The following IL13RA1 variants were observed in gnomAD, a reference collection of about 807,000 sequenced individuals.
IL13RA1 encodes the protein interleukin 13 receptor subunit alpha 1.
Under a neutral mutation model 33.8 loss-of-function variants are expected in IL13RA1, and 14 were observed. The observed-to-expected ratio is 0.41, with a 90% CI of 0.27 to 0.65. IL13RA1 has a LOEUF of 0.65. IL13RA1 is among the 30% of genes least tolerant of loss of function. The pLI is 0.28. For missense variants in IL13RA1, 313 were observed against 327.0 expected, an observed-to-expected ratio of 0.96 and a Z score of 0.33; for synonymous variants, 116 against 115.7, an observed-to-expected ratio of 1.00 and a Z score of -0.02.
chrX:118,752,767 C>T (rs2017484673), intron 4 of IL13RA1, among the ~76,000 whole-genome samples: 1 of 111,933 alleles, frequency 8.9e-6, no homozygotes, highest in African/African-American at 3.2e-5. Flanking sequence ...TTCAGGGTTG[C>T]GGTGATGACT....
At chrX:118,769,152 A>C (rs747173488) in intron 8 of IL13RA1, among the ~76,000 whole-genome samples, 2 of 112,507 alleles carry the variant, frequency 1.8e-5, no homozygotes, top group East Asian at 5.6e-4. Context: ...GCCCATGCTC[A>C]AGGAGAGGGG....
chrX:118,786,509 A>G, intron 10 of IL13RA1, among the ~76,000 whole-genome samples: 1 of 112,097 alleles, frequency 8.9e-6, no homozygotes, highest in South Asian at 3.6e-4. Flanking sequence ...TGCTGGGATT[A>G]TAGGCGTGAA....
At chrX:118,753,949 A>C (rs2017498028) in intron 4 of IL13RA1, among the ~76,000 whole-genome samples, 1 of 112,743 alleles carries the variant, frequency 8.9e-6, no homozygotes, top group Admixed American at 9.4e-5. Context: ...AAATCAATTA[A>C]AATTGAATCA....
At chrX:118,799,023 A>G (rs753721967), downstream of IL13RA1, among the ~76,000 whole-genome samples, 90 of 29,303 alleles carry the variant, frequency 3.1e-3, 1 homozygote, top group African/African-American at 0.021. Context: ...CCGGGTGGGC[A>G]TGGGCTTGGC....
At position 118,773,898 on chromosome X, in the gene IL13RA1, A is replaced by G. The variant is rs1359316349; in HGVS notation, c.1029A>G (p.Thr343=). The G allele has an allele frequency of 2.9e-6, 3 of 1,033,045 alleles. No homozygotes were observed. The highest frequency in any genetic ancestry group is 1.9e-5 in the African/African-American group (1 of 53,487). The allele number at this position is 1,033,045 out of a possible 1,213,427, so 85.1% of individuals were successfully genotyped here. ...EMSIGKKRNS[T]LYITMLLIVP... ...CTCCAGGTAAGAAGCGCAATTCCAC[A>G]CTCTACATAACCATGTTACTCATTG... The change falls in exon 9 of 11, where the codon ACA becomes ACG. Residue 343 remains threonine, a synonymous_variant. Coordinates refer to ENST00000371666, the MANE Select transcript of IL13RA1 (RefSeq NM_001560.3).
At chrX:118,770,565 G>A (rs772083532) in intron 8 of IL13RA1, 9 of 517,891 alleles carry the variant, frequency 1.7e-5, no homozygotes, top group East Asian at 9.8e-5. Context: ...CGCTGCCCAC[G>A]TTCCGCAAGC....
chrX:118,740,288 C>T (rs1424844494), intron 1 of IL13RA1, among the ~76,000 whole-genome samples: 2 of 111,284 alleles, frequency 1.8e-5, no homozygotes, highest in East Asian at 2.8e-4. Flanking sequence ...GGTGTGGATC[C>T]CAAGGTTAGG....
rs2017992579 is a variant in IL13RA1, at chrX:118,792,865, A to G, written c.*1011A>G. ...GGTAGAATGACTCCTTGGGTATTAG[A>G]GTTTCAACCATGAAGTCTCTAACAA... On this transcript the variant is annotated 3_prime_UTR_variant, in exon 11 of 11. Coordinates refer to ENST00000371666, the MANE Select transcript of IL13RA1 (RefSeq NM_001560.3). 1 of 111,186 alleles carries G rather than the reference A, an allele frequency of 9.0e-6. No homozygotes were observed. Among genetic ancestry groups the G allele is most frequent in the South Asian group, 3.8e-4 (1 of 2,616 alleles). 9.2% of individuals were successfully genotyped at this position (111,186 alleles called of 1,213,427 possible).
rs1379097514 is a variant in IL13RA1 at position 118,738,081 on chromosome X, CT to C, written c.89-2935del. ...AGCACTGTTGCCTGAGCCATTGGTGCTCCCTGGTACTAGCTCAGTTTTAATG... is the reference window on the plus strand; with the variant it reads ...AGCACTGTTGCCTGAGCCATTGGTGCCCCTGGTACTAGCTCAGTTTTAATG... On this transcript the variant is annotated intron_variant, in intron 1 of 10. Coordinates refer to ENST00000371666, the MANE Select transcript of IL13RA1 (RefSeq NM_001560.3). The C allele has an allele frequency of 4.5e-5, 5 of 112,108 alleles. No homozygotes were observed. The Admixed American group carries it at 4.7e-4, about 11-fold the overall frequency. The allele number at this position is 112,108 out of a possible 1,213,427, so 9.2% of individuals were successfully genotyped here.
At chrX:118,731,930 T>G (rs2489870) in intron 1 of IL13RA1, among the ~76,000 whole-genome samples, 19,081 of 111,475 alleles carry the variant, frequency 0.17, 1,491 homozygotes, top group East Asian at 0.4. Flanking sequence ...TAATCATCAC[T>G]TAATCATATA....
intron 10 of IL13RA1, among the ~76,000 whole-genome samples, chrX:118,787,789 G>A (rs1432966839): frequency 8.9e-6 from 1 of 111,764 alleles, no homozygotes; most frequent in African/African-American, 3.3e-5. Context: ...TGTCCTGCCC[G>A]GCTCCAGGCA....
At chrX:118,787,553 A>G (rs2017932961) in intron 10 of IL13RA1, among the ~76,000 whole-genome samples, 1 of 111,627 alleles carries the variant, frequency 9.0e-6, no homozygotes, top group African/African-American at 3.3e-5. Context: ...TTTACTAGGC[A>G]GAAATTTCCT....
intron 1 of IL13RA1, among the ~76,000 whole-genome samples, chrX:118,739,334 T>C (rs2017317999): frequency 9.0e-6 from 1 of 111,458 alleles, no homozygotes; most frequent in Non-Finnish European, 1.9e-5. Flanking sequence ...GTCTGTGAGT[T>C]TGATGTTTTG....
At chrX:118,760,216 C>T (rs1376718149) in intron 5 of IL13RA1, among the ~76,000 whole-genome samples, 1 of 111,984 alleles carries the variant, frequency 8.9e-6, no homozygotes. Context: ...TCCCCTCCGC[C>T]CTTAGCAACC....
intron 1 of IL13RA1, among the ~76,000 whole-genome samples, chrX:118,731,181 C>T (rs2017213701): frequency 9.0e-6 from 1 of 111,696 alleles, no homozygotes; most frequent in Admixed American, 9.5e-5. Context: ...GTGCAATCCC[C>T]AAGACATGGT....
chrX:118,788,781 A>G (rs1272250629), intron 10 of IL13RA1, among the ~76,000 whole-genome samples: 1 of 111,842 alleles, frequency 8.9e-6, no homozygotes, highest in Non-Finnish European at 1.9e-5. Flanking sequence ...TTAATATTTT[A>G]TTACTGTCTT....
intron 4 of IL13RA1, among the ~76,000 whole-genome samples, chrX:118,755,108 C>T (rs1247777684): frequency 9.2e-6 from 1 of 108,934 alleles, no homozygotes; most frequent in Non-Finnish European, 1.9e-5. Context: ...GCCACCACAC[C>T]TGGCTAATTT....
intron 8 of IL13RA1, among the ~76,000 whole-genome samples, chrX:118,773,463 C>T (rs1373783999): frequency 1.8e-5 from 2 of 111,854 alleles, no homozygotes; most frequent in African/African-American, 6.5e-5. Flanking sequence ...TGCACTCCAG[C>T]CTGGGTGACA....
chrX:118,794,759 TGAAG>T (rs1263387682), downstream of IL13RA1, among the ~76,000 whole-genome samples: 1 of 111,902 alleles, frequency 8.9e-6, no homozygotes, highest in Non-Finnish European at 1.9e-5. Flanking sequence ...AAGCAGCACT[TGAAG>T]GGACTTAAGT....
Sources: allele counts gnomAD v4.1 joint callset (sites outside exome capture counted in the v4.1 genomes callset), GRCh38; gene constraint gnomAD v4.1.1; transcripts MANE v1.5; gene names NCBI Gene and HGNC (gene_info 2026-07-23, HGNC 2026-07-21).